KIF26B: variants seen among roughly 807,000 people sequenced by gnomAD.
KIF26B encodes the protein kinesin family member 26B.
In KIF26B, 63 loss-of-function variants were observed where a neutral mutation model predicts 151.2. The observed-to-expected ratio is 0.42, with a 90% CI of 0.34 to 0.51. KIF26B has a LOEUF of 0.51. Ranked by LOEUF, KIF26B falls within the 20% of genes least tolerant of loss-of-function variation. KIF26B has a pLI of 0.07. For missense variants in KIF26B, 2,813 were observed against 2,913.6 expected (o/e 0.97, Z 0.79); for synonymous variants, 1,357 against 1,262.1 (o/e 1.08, Z -1.59).
At chr1:245,548,461 A>G (rs1771506) in intron 5 of KIF26B, among the ~76,000 whole-genome samples, 55,465 of 151,916 alleles carry the variant, frequency 0.37, 10,350 homozygotes, top group Middle Eastern at 0.39. Context: ...GAGTTGTCCC[A>G]GGGTTTTACA....
At chr1:245,611,707 G>C (rs956934502) in intron 8 of KIF26B, 86 bp from the exon 9 acceptor site, 120 of 1,409,452 alleles carry the variant, frequency 8.5e-5, no homozygotes, top group Non-Finnish European at 1.1e-4. Context: ...CACACAGCCA[G>C]CTGAATGGTG....
At chr1:245,206,435 G>T (rs1271857326) in intron 2 of KIF26B, 1 of 152,248 alleles carries the variant, frequency 6.6e-6, no homozygotes, top group Non-Finnish European at 1.5e-5. Flanking sequence ...TAGGGAAAGG[G>T]AGTGGGGATA....
intron 3 of KIF26B, among the ~76,000 whole-genome samples, chr1:245,380,652 T>A (rs1304662615): frequency 6.6e-6 from 1 of 151,750 alleles, no homozygotes; most frequent in Middle Eastern, 3.4e-3. Context: ...GCGATGGGAG[T>A]CAAACACAGG....
At chr1:245,571,457 C>T (rs2043065669) in intron 5 of KIF26B, among the ~76,000 whole-genome samples, 1 of 152,226 alleles carries the variant, frequency 6.6e-6, no homozygotes, top group Non-Finnish European at 1.5e-5. Flanking sequence ...CTCCACTATT[C>T]CTTCACTGAT....
chr1:245,220,585 A>G (rs1177712023), intron 2 of KIF26B, among the ~76,000 whole-genome samples: 1 of 152,166 alleles, frequency 6.6e-6, no homozygotes, highest in Non-Finnish European at 1.5e-5. Flanking sequence ...TGACTGTACA[A>G]TATCCCAATA....
intron 4 of KIF26B, among the ~76,000 whole-genome samples, chr1:245,428,217 T>C (rs1226488893): frequency 6.6e-6 from 1 of 152,202 alleles, no homozygotes; most frequent in East Asian, 1.9e-4. Context: ...AAATACTCCG[T>C]TGATTTCTTG....
intron 14 of KIF26B, 54 bp downstream of exon 14, chr1:245,699,091 C>G: frequency 1.3e-6 from 2 of 1,569,030 alleles, no homozygotes; most frequent in Non-Finnish European, 1.7e-6. Flanking sequence ...CCTGCTCAAC[C>G]GGGCTGGCGT....
At chr1:245,532,244 TTTTC>T (rs1160119595) in intron 4 of KIF26B, among the ~76,000 whole-genome samples, 2,017 of 86,984 alleles carry the variant, frequency 0.023, 18 homozygotes, top group Middle Eastern at 0.055. Flanking sequence ...TTTTCTTTTC[TTTTC>T]TTTTTTTTTT....
intron 4 of KIF26B, among the ~76,000 whole-genome samples, chr1:245,520,319 A>C (rs1469603862): frequency 6.6e-6 from 1 of 152,142 alleles, no homozygotes; most frequent in Non-Finnish European, 1.5e-5. Context: ...ACTTCAAAAA[A>C]CCCCTCTCCC....
intron 2 of KIF26B, among the ~76,000 whole-genome samples, chr1:245,202,472 G>C (rs372811167): frequency 6.6e-6 from 1 of 152,142 alleles, no homozygotes; most frequent in Non-Finnish European, 1.5e-5. Flanking sequence ...AAAATGGGTT[G>C]AAGTGGCCGG....
intron 9 of KIF26B, among the ~76,000 whole-genome samples, chr1:245,639,294 G>C (rs999668084): frequency 4.0e-5 from 6 of 151,786 alleles, no homozygotes; most frequent in South Asian, 2.1e-4. Flanking sequence ...ATGATCCTTT[G>C]TGTATCTGTA....
In KIF26B at chr1:245,240,044, C is replaced by T. The variant is rs1215205790; in HGVS notation, c.465+83361C>T. 2.0e-5 allele frequency among the ~76,000 whole-genome samples: 3 copies of T among 152,172 alleles called. No homozygotes were observed. The East Asian group carries it at 5.8e-4, about 30-fold the overall frequency. ...GATTAGCCGAGTGTCATGGCGCACA[C>T]CTGTAGTCCCAGTTACTCAGGAGGC... On this transcript the variant is annotated intron_variant, in intron 2 of 14. Transcript: ENST00000407071.
chr1:245,656,030 A>G (rs2044069213), intron 10 of KIF26B, among the ~76,000 whole-genome samples: 1 of 152,232 alleles, frequency 6.6e-6, no homozygotes, highest in African/African-American at 2.4e-5. Context: ...AAACATACAG[A>G]GAAAATAATC....
chr1:245,304,370 G>A (rs1671497050), intron 2 of KIF26B, among the ~76,000 whole-genome samples: 1 of 152,194 alleles, frequency 6.6e-6, no homozygotes, highest in South Asian at 2.1e-4. Flanking sequence ...AAGTGCTTCT[G>A]CTAATTGCCT....
intron 2 of KIF26B, among the ~76,000 whole-genome samples, chr1:245,267,552 A>G (rs12750742): frequency 0.059 from 8,946 of 151,804 alleles, 300 homozygotes; most frequent in Middle Eastern, 0.068. Context: ...CTGCAAATGC[A>G]GGCATATGTG....
chr1:245,263,683 G>A (rs942860099), intron 2 of KIF26B, among the ~76,000 whole-genome samples: 11 of 152,168 alleles, frequency 7.2e-5, no homozygotes, highest in African/African-American at 2.7e-4. Context: ...GGGAGACATG[G>A]GACTTGCCAG....
chr1:245,566,752 A>G (rs927043089), intron 5 of KIF26B, among the ~76,000 whole-genome samples: 1 of 152,094 alleles, frequency 6.6e-6, no homozygotes, highest in African/African-American at 2.4e-5. Flanking sequence ...ACATGGTGAA[A>G]CCCCATCTCT....
At chr1:245,412,544 C>T (rs1030614570) in intron 3 of KIF26B, among the ~76,000 whole-genome samples, 1 of 152,178 alleles carries the variant, frequency 6.6e-6, no homozygotes, top group African/African-American at 2.4e-5. Flanking sequence ...GTCCTTCCTT[C>T]AGTGTAGAAG....
intron 2 of KIF26B, among the ~76,000 whole-genome samples, chr1:245,336,093 C>T (rs1487691670): frequency 7.8e-6 from 1 of 128,074 alleles, no homozygotes; most frequent in Non-Finnish European, 1.6e-5. Context: ...GGGTCCCACG[C>T]AGGGAAAGGA....
Sources: allele counts gnomAD v4.1 joint callset (sites outside exome capture counted in the v4.1 genomes callset), GRCh38; gene constraint gnomAD v4.1.1; transcripts MANE v1.5; gene names NCBI Gene and HGNC (gene_info 2026-07-23, HGNC 2026-07-21).